LRP1B: variants seen among roughly 807,000 people sequenced by gnomAD.
The protein encoded by LRP1B is LDL receptor related protein 1B.
In LRP1B, 217 loss-of-function variants were observed where a neutral mutation model predicts 556.6. The ratio of observed to expected loss-of-function variants is 0.39; its 90% CI spans 0.35 to 0.44. The LOEUF (loss-of-function observed/expected upper bound fraction) is 0.44. LRP1B is among the 20% of genes least tolerant of loss of function. The pLI, the probability that LRP1B is intolerant of heterozygous loss-of-function variation, is 1.00. For synonymous variants in LRP1B, 2,047 were observed against 1,865.8 expected (o/e 1.10, Z -2.50); for missense variants, 5,053 against 5,620.8 (o/e 0.90, Z 3.23).
intron 2 of LRP1B, among the ~76,000 whole-genome samples, chr2:141,669,899 C>T (rs1690597995): frequency 6.6e-6 from 1 of 151,962 alleles, no homozygotes; most frequent in East Asian, 1.9e-4. Flanking sequence ...GGATTACAGG[C>T]ACGTGCCACC....
At chr2:141,123,288 A>G (rs899332642) in intron 7 of LRP1B, among the ~76,000 whole-genome samples, 2 of 151,816 alleles carry the variant, frequency 1.3e-5, no homozygotes, top group African/African-American at 2.4e-5. Flanking sequence ...AAATCCTTAA[A>G]ACAACAGTTT....
At chr2:140,607,361 T>C (rs909985304) in intron 41 of LRP1B, among the ~76,000 whole-genome samples, 5 of 152,086 alleles carry the variant, frequency 3.3e-5, no homozygotes, top group Admixed American at 2.0e-4. Flanking sequence ...GTCTGTCAGT[T>C]TTACAAAATG....
chr2:141,576,367 C>T (rs970110172), intron 2 of LRP1B, among the ~76,000 whole-genome samples: 3 of 152,104 alleles, frequency 2.0e-5, no homozygotes, highest in African/African-American at 2.4e-5. Context: ...CCAAACACTG[C>T]GTGTTCTCAC....
intron 1 of LRP1B, among the ~76,000 whole-genome samples, chr2:141,860,228 T>C (rs1698193489): frequency 6.6e-6 from 1 of 152,184 alleles, no homozygotes; most frequent in Non-Finnish European, 1.5e-5. Context: ...AAATAAGATA[T>C]ACATTCTTGT....
At chr2:140,524,002 C>T (rs1008086712) in intron 49 of LRP1B, among the ~76,000 whole-genome samples, 4 of 151,540 alleles carry the variant, frequency 2.6e-5, no homozygotes, top group South Asian at 4.1e-4. Flanking sequence ...AGCTTCTGCA[C>T]GACAACAACA....
intron 3 of LRP1B, among the ~76,000 whole-genome samples, chr2:141,409,527 C>T (rs1020927180): frequency 2.0e-5 from 3 of 151,984 alleles, no homozygotes; most frequent in Admixed American, 6.6e-5. Flanking sequence ...AACCCTGGCC[C>T]GTAACACACT....
At chr2:140,798,542 C>T (rs909821702) in intron 32 of LRP1B, among the ~76,000 whole-genome samples, 1 of 152,036 alleles carries the variant, frequency 6.6e-6, no homozygotes, top group Non-Finnish European at 1.5e-5. Flanking sequence ...CTCATAGAGG[C>T]AATTGGCTAT....
chr2:140,969,194 C>T (rs1353888628), intron 18 of LRP1B, among the ~76,000 whole-genome samples: 1 of 152,106 alleles, frequency 6.6e-6, no homozygotes, highest in Non-Finnish European at 1.5e-5. Flanking sequence ...TAAGGACTTG[C>T]TTTATGAATC....
chr2:141,543,543 C>T (rs1685346876), intron 2 of LRP1B, among the ~76,000 whole-genome samples: 1 of 127,554 alleles, frequency 7.8e-6, no homozygotes, highest in South Asian at 2.7e-4. Flanking sequence ...AAAAAAGTTA[C>T]ACCATATAAT....
At chr2:141,679,544 G>A (rs1282696203) in intron 2 of LRP1B, among the ~76,000 whole-genome samples, 1 of 152,102 alleles carries the variant, frequency 6.6e-6, no homozygotes, top group East Asian at 1.9e-4. Flanking sequence ...AAACCAATTT[G>A]ACTATCTCTA....
intron 20 of LRP1B, among the ~76,000 whole-genome samples, chr2:140,925,748 T>G (rs1011130882): frequency 1.3e-5 from 2 of 152,286 alleles, no homozygotes; most frequent in South Asian, 4.1e-4. Flanking sequence ...AATAAAAACC[T>G]AGATTCTCTA....
At chr2:141,419,848 T>TATTTC (rs146638891) in intron 3 of LRP1B, among the ~76,000 whole-genome samples, 44,837 of 151,042 alleles carry the variant, frequency 0.3, 6,743 homozygotes, top group Admixed American at 0.32. Flanking sequence ...TTGAGATCTT[T>TATTTC]ATTTCATTTC....
intron 1 of LRP1B, among the ~76,000 whole-genome samples, chr2:141,916,158 G>T (rs1375166749): frequency 6.6e-6 from 1 of 152,050 alleles, no homozygotes; most frequent in African/African-American, 2.4e-5. Context: ...CAACAGCAAA[G>T]ACATAGAATC....
At chr2:140,559,053 A>G (rs1328289235) in intron 43 of LRP1B, among the ~76,000 whole-genome samples, 1 of 152,190 alleles carries the variant, frequency 6.6e-6, no homozygotes, top group African/African-American at 2.4e-5. Context: ...ATAATAGTAC[A>G]GAAAAACAGA....
intron 43 of LRP1B, among the ~76,000 whole-genome samples, chr2:140,588,722 T>C (rs1426359988): frequency 6.6e-6 from 1 of 151,908 alleles, no homozygotes; most frequent in Non-Finnish European, 1.5e-5. Context: ...TCCCAGCACT[T>C]TGGGAGGCCA....
At chr2:140,750,510 T>C (rs548658276) in intron 35 of LRP1B, among the ~76,000 whole-genome samples, 2 of 152,232 alleles carry the variant, frequency 1.3e-5, no homozygotes, top group Non-Finnish European at 2.9e-5. Flanking sequence ...CTGTATTGCT[T>C]TGAGTAAGAT....
rs1682576565 is a variant in LRP1B, at chr2:141,212,046, TA to T, written c.850+17136del. Among the ~76,000 whole-genome samples, 8 of 152,214 alleles carry T rather than the reference TA, an allele frequency of 5.3e-5. No individual in the cohort carries two copies. In the South Asian group the frequency reaches 1.7e-3, roughly 32 times the overall value. On this transcript the variant is annotated intron_variant, in intron 6 of 90. Coordinates refer to ENST00000389484, the MANE Select transcript of LRP1B (RefSeq NM_018557.3). ...AAGCTTTTAAGTATAAAGAGTTTAA[TA>T]AAACATGTATTTGCTTATAAAATTG...
Position 140,907,980 on chromosome 2 carries a change from G to C in LRP1B, c.3417C>G (p.Pro1139=), listed in dbSNP as rs780175421. The change falls in exon 22 of 91, where the codon CCC becomes CCG. Residue 1139 remains proline, a synonymous_variant. Coordinates refer to ENST00000389484, the MANE Select transcript of LRP1B (RefSeq NM_018557.3). ...AGGTGTCATTAGCACAAGGATGCTT[G>C]GGTGGTCCACACAAGAAACTGTCAC... ...DDCDSFLCGP[P]KHPCANDTSV... is the part of the protein sequence containing the mutation. 1.6e-5 allele frequency: 26 copies of C among 1,613,380 alleles called. No homozygotes were observed. The highest frequency in any genetic ancestry group is 1.3e-5 in the African/African-American group (1 of 74,858).
At chr2:141,855,236 A>G (rs1698010487) in intron 1 of LRP1B, among the ~76,000 whole-genome samples, 1 of 152,212 alleles carries the variant, frequency 6.6e-6, no homozygotes, top group East Asian at 1.9e-4. Flanking sequence ...ACAGAAGCAG[A>G]TGTAACAGGT....
Sources: gnomAD v4.1 joint callset for allele counts (sites outside exome capture counted in the v4.1 genomes callset) on GRCh38, gnomAD v4.1.1 for gene constraint, MANE v1.5 for transcripts, NCBI Gene and HGNC (gene_info 2026-07-23, HGNC 2026-07-21) for gene names.